Variants in XPO1 observed in about 807,000 individuals in gnomAD.
XPO1 encodes the protein exportin-1.
A neutral mutation model predicts 133.3 loss-of-function variants in XPO1; 5 were observed. The ratio of observed to expected loss-of-function variants is 0.04; its 90% CI spans 0.02 to 0.08. The LOEUF is 0.08. Among genes scored for constraint, XPO1 ranks in the 10% least tolerant of loss-of-function variants. The pLI is 1.00. For synonymous variants in XPO1, 419 were observed against 408.2 expected (o/e 1.03, Z -0.32); for missense variants, 506 against 1,267.5 (o/e 0.40, Z 9.12).
chr2:61,527,239 G>A (rs1698942915), intron 2 of XPO1, among the ~76,000 whole-genome samples: 2 of 149,894 alleles, frequency 1.3e-5, no homozygotes, highest in African/African-American at 4.9e-5. Flanking sequence ...GGAGACTGAG[G>A]CAGGAGGACC....
chr2:61,493,540 C>A, intron 12 of XPO1: 1 of 208,602 alleles, frequency 4.8e-6, no homozygotes, highest in South Asian at 9.8e-5. Context: ...TGTAATTCTA[C>A]AAAAATGGCT....
At chr2:61,527,399 G>A (rs1263219611) in intron 2 of XPO1, among the ~76,000 whole-genome samples, 1 of 151,768 alleles carries the variant, frequency 6.6e-6, no homozygotes, top group Non-Finnish European at 1.5e-5. Context: ...GAGATGGGAG[G>A]ATCACTTGAG....
chr2:61,536,954 C>T (rs1699381000), intron 1 of XPO1: 1 of 152,298 alleles, frequency 6.6e-6, no homozygotes, highest in South Asian at 2.1e-4. Context: ...CACATTCAAA[C>T]CCCTGAAAAG....
At chr2:61,513,968 A>C (rs941375243) in intron 4 of XPO1, among the ~76,000 whole-genome samples, 3 of 152,002 alleles carry the variant, frequency 2.0e-5, no homozygotes, top group Non-Finnish European at 4.4e-5. Context: ...GTGGATCACG[A>C]GGTCAGGAGA....
In XPO1 at chr2:61,522,660, T is replaced by C; in HGVS notation, c.252A>G (p.Glu84=). 1 of 1,613,846 alleles carries C rather than the reference T, an allele frequency of 6.2e-7. No homozygotes were observed. The highest frequency in any genetic ancestry group is 8.5e-7 in the Non-Finnish European group (1 of 1,179,838). Reference sequence around the variant, plus strand: ...TCTTCCACCTTGTTTTTATCACATTTTCCAAAATTTGTAGTCCATAGTACT... The same window carrying C: ...TCTTCCACCTTGTTTTTATCACATTCTCCAAAATTTGTAGTCCATAGTACT... ...NTKYYGLQIL[E]NVIKTRWKIL... is the part of the protein sequence containing the mutation. The change falls in exon 4 of 25, where the codon GAA becomes GAG. Residue 84 remains glutamate, a synonymous_variant. Transcript: ENST00000401558.
Position 61,515,930 on chromosome 2 carries a change from A to G in XPO1, c.301+6681T>C, listed in dbSNP as rs562474561. 1.5e-3 allele frequency among the ~76,000 whole-genome samples: 186 copies of G among 127,626 alleles called. 2 individuals carry two copies. Among genetic ancestry groups the G allele is most frequent in the African/African-American group, 5.1e-3 (166 of 32,538 alleles). 83.7% of individuals were successfully genotyped at this position (127,626 alleles called of 152,430 possible). A position where few individuals can be genotyped will look rare whatever the true frequency, so the allele number is the denominator to read the frequency against. On this transcript the variant is annotated intron_variant, in intron 4 of 24. Transcript: ENST00000401558. ...AACCCCATCTCTACTAAAAAAAAAA[A>G]AAAAAACCACACACACACACACACA...
chr2:61,502,560 A>T (rs12612677), intron 4 of XPO1: 1 of 349,582 alleles, frequency 2.9e-6, no homozygotes, highest in African/African-American at 2.2e-5. Context: ...CGAGACCAGC[A>T]TGACCAACAT....
At chr2:61,527,322 A>C (rs1490225462) in intron 2 of XPO1, among the ~76,000 whole-genome samples, 3 of 48,892 alleles carry the variant, frequency 6.1e-5, no homozygotes, top group African/African-American at 1.8e-4. Context: ...ATGACTCTCC[A>C]AAAAAAAAAA....
chr2:61,511,872 C>A (rs1160066486), intron 4 of XPO1, among the ~76,000 whole-genome samples: 1 of 152,150 alleles, frequency 6.6e-6, no homozygotes, highest in African/African-American at 2.4e-5. Context: ...AACTCCCCTG[C>A]TGCAACCTAC....
At chr2:61,489,559 A>ATT (rs1316706399) in intron 17 of XPO1, among the ~76,000 whole-genome samples, 19 of 145,032 alleles carry the variant, frequency 1.3e-4, no homozygotes, top group African/African-American at 4.3e-4. Context: ...ATATAGTTCT[A>ATT]TTTTTTTTTT....
intron 4 of XPO1, among the ~76,000 whole-genome samples, chr2:61,513,604 C>T (rs1698206312): frequency 6.7e-6 from 1 of 150,114 alleles, no homozygotes; most frequent in Non-Finnish European, 1.5e-5. Flanking sequence ...GAATTACAGG[C>T]GTGAGCCACT....
At chr2:61,493,804 A>T (rs1697110939) in intron 12 of XPO1, 90 bp downstream of exon 12, 2 of 1,370,496 alleles carry the variant, frequency 1.5e-6, no homozygotes, top group African/African-American at 1.5e-5. Flanking sequence ...TTTTATAGCT[A>T]ATTTATTTAC....
At chr2:61,529,682 GA>G (rs1318923106) in intron 2 of XPO1, among the ~76,000 whole-genome samples, 7 of 149,076 alleles carry the variant, frequency 4.7e-5, no homozygotes, top group African/African-American at 1.7e-4. Context: ...AAAAAAAAAA[GA>G]AAGAAATTAT....
At chr2:61,488,313 C>G in intron 18 of XPO1, 42 bp from the exon 19 acceptor site, 3 of 1,554,444 alleles carry the variant, frequency 1.9e-6, no homozygotes, top group African/African-American at 1.4e-5. Context: ...TACCACTAAA[C>G]TTATACAGTG....
Position 61,490,725 on chromosome 2 carries a change from G to C in XPO1, c.1939C>G (p.Gln647Glu), listed in dbSNP as rs754930781. 1 of 1,614,010 alleles carries C rather than the reference G, an allele frequency of 6.2e-7. No individual in the cohort carries two copies. The highest frequency in any genetic ancestry group is 1.7e-5 in the Admixed American group (1 of 59,982). ...TCTATCAAGTGTTCTTGTACTGTTTGATCTGTTTGTGCACCAATCATGTAC... is the reference window on the plus strand; with the variant it reads ...TCTATCAAGTGTTCTTGTACTGTTTCATCTGTTTGTGCACCAATCATGTAC... ...VGYMIGAQTD[Q>E]TVQEHLIEKY... Residue 647 changes from glutamine to glutamate, a missense_variant, in exon 17 of 25, where the codon CAA becomes GAA. Gln to Glu is a conservative substitution (Grantham distance 29). Transcript: ENST00000401558.
At chr2:61,481,456 CAAG>C (rs1453094696) in intron 23 of XPO1, among the ~76,000 whole-genome samples, 175 bp from the exon 24 acceptor site, 17 of 150,128 alleles carry the variant, frequency 1.1e-4, no homozygotes, top group South Asian at 8.4e-4. Flanking sequence ...TTTTTTTAAT[CAAG>C]AATTTTTTTT....
chr2:61,509,222 C>T (rs1236757513), intron 4 of XPO1, among the ~76,000 whole-genome samples: 1 of 151,158 alleles, frequency 6.6e-6, no homozygotes, highest in African/African-American at 2.4e-5. Flanking sequence ...CCAGGCTGTT[C>T]TCCAACTCCT....
intron 6 of XPO1, among the ~76,000 whole-genome samples, chr2:61,501,508 G>C (rs2104521423): frequency 6.6e-6 from 1 of 152,116 alleles, no homozygotes; most frequent in East Asian, 1.9e-4. Flanking sequence ...GATCACCTGA[G>C]GTCAAGAGTT....
chr2:61,513,017 T>G (rs888956139), intron 4 of XPO1, among the ~76,000 whole-genome samples: 26 of 151,928 alleles, frequency 1.7e-4, no homozygotes, highest in African/African-American at 6.0e-4. Context: ...ATATAAACCT[T>G]GACCCTTACC....
Sources: allele counts gnomAD v4.1 joint callset (sites outside exome capture counted in the v4.1 genomes callset), GRCh38; gene constraint gnomAD v4.1.1; transcripts MANE v1.5; gene names NCBI Gene and HGNC (gene_info 2026-07-23, HGNC 2026-07-21).